TTC12: variants seen among roughly 807,000 people sequenced by gnomAD.
The protein encoded by TTC12 is tetratricopeptide repeat domain 12, also known as tetratricopeptide repeat protein 12.
Under a neutral mutation model 90.1 loss-of-function variants are expected in TTC12, and 70 were observed. The ratio of observed to expected loss-of-function variants is 0.78; its 90% confidence interval spans 0.64 to 0.95. The LOEUF is 0.95. Among genes scored for constraint, TTC12 ranks in the 40% least tolerant of loss-of-function variants. The probability of loss-of-function intolerance (pLI) is 0.00; values close to 1 mark genes in which losing one functional copy is unlikely to be tolerated. For missense variants in TTC12, 819 were observed against 846.1 expected, an observed-to-expected ratio of 0.97 and a Z score of 0.40; for synonymous variants, 296 against 311.5, an observed-to-expected ratio of 0.95 and a Z score of 0.53.
At chr11:113,317,250 T>C (rs1378929965) in intron 2 of TTC12, among the ~76,000 whole-genome samples, 1 of 152,176 alleles carries the variant, frequency 6.6e-6, no homozygotes, top group Non-Finnish European at 1.5e-5. Context: ...ACCTACTGTA[T>C]CCCACAAATA....
At chr11:113,326,553 A>G (rs1947708013) in intron 6 of TTC12, among the ~76,000 whole-genome samples, 1 of 152,138 alleles carries the variant, frequency 6.6e-6, no homozygotes, top group Admixed American at 6.5e-5. Flanking sequence ...ATGTTGAGGA[A>G]GAGGACTGGA....
At chr11:113,330,026 G>A (rs112804550) in intron 7 of TTC12, 47 bp downstream of exon 7, 1 of 1,469,808 alleles carries the variant, frequency 6.8e-7, no homozygotes, top group South Asian at 1.1e-5. Context: ...GGCTGAAGTA[G>A]ATAGAAGGCA....
Position 113,366,335 on chromosome 11 carries a change from C to T in TTC12, c.*35C>T. On this transcript the variant is annotated 3_prime_UTR_variant, in exon 22 of 22. Transcript: ENST00000529221. ...GGTTTGTGTGCATTTGGGGAACACA[C>T]AGATGCACACCGTGTGTTGTTCCTA... is the stretch of plus-strand genomic sequence containing the variant. 6.2e-7 allele frequency: 1 copy of T among 1,611,580 alleles called. No homozygotes were observed. Among genetic ancestry groups the T allele is most frequent in the Non-Finnish European group, 8.5e-7 (1 of 1,179,914 alleles).
intron 2 of TTC12, among the ~76,000 whole-genome samples, chr11:113,319,154 C>T (rs530062987): frequency 3.0e-4 from 46 of 152,288 alleles, no homozygotes; most frequent in African/African-American, 8.7e-4. Flanking sequence ...ATCCCTGATA[C>T]GCCATAATGT....
intron 5 of TTC12, 132 bp from the exon 6 acceptor site, chr11:113,325,392 C>T (rs750975420): frequency 2.7e-5 from 28 of 1,022,408 alleles, no homozygotes; most frequent in Admixed American, 5.4e-5. Flanking sequence ...CAGAAAAAAA[C>T]AAGTGTCAAG....
At chr11:113,370,213 T>C (rs1591239038), downstream of TTC12, among the ~76,000 whole-genome samples, 1 of 152,262 alleles carries the variant, frequency 6.6e-6, no homozygotes, top group East Asian at 1.9e-4. Flanking sequence ...TCTAAAATCC[T>C]CTTTGCAAAC....
intron 21 of TTC12, among the ~76,000 whole-genome samples, chr11:113,371,894 A>G (rs909523543): frequency 7.9e-5 from 12 of 152,156 alleles, no homozygotes; most frequent in Non-Finnish European, 1.3e-4. Flanking sequence ...GATTTCTATA[A>G]AGCTCTCATC....
intron 13 of TTC12, among the ~76,000 whole-genome samples, chr11:113,346,122 T>C (rs891660332): frequency 6.6e-6 from 1 of 152,172 alleles, no homozygotes; most frequent in African/African-American, 2.4e-5. Context: ...CCCACAATGT[T>C]TATCCTCAGA....
intron 7 of TTC12, among the ~76,000 whole-genome samples, chr11:113,332,215 G>T (rs145109487): frequency 6.6e-6 from 1 of 152,328 alleles, no homozygotes; most frequent in African/African-American, 2.4e-5. Context: ...TCCTCTGAAG[G>T]CAGGATTCCT....
downstream of TTC12, among the ~76,000 whole-genome samples, chr11:113,366,872 G>A (rs1194547327): frequency 6.6e-6 from 1 of 152,162 alleles, no homozygotes; most frequent in Non-Finnish European, 1.5e-5. Context: ...AATCATTCTG[G>A]GAATCATTCC....
chr11:113,366,965 A>G (rs1950239318), downstream of TTC12, among the ~76,000 whole-genome samples: 1 of 152,206 alleles, frequency 6.6e-6, no homozygotes, highest in Non-Finnish European at 1.5e-5. Flanking sequence ...GTTCTCTGCT[A>G]AAGGTGCCAA....
chr11:113,363,016 T>G (rs1950018971), intron 19 of TTC12, among the ~76,000 whole-genome samples: 1 of 152,192 alleles, frequency 6.6e-6, no homozygotes, highest in South Asian at 2.1e-4. Context: ...TGGATTCACC[T>G]GCAAGGGCGA....
At chr11:113,355,829 A>G (rs1949603750) in intron 16 of TTC12, among the ~76,000 whole-genome samples, 1 of 152,066 alleles carries the variant, frequency 6.6e-6, no homozygotes, top group African/African-American at 2.4e-5. Flanking sequence ...GATTTCAGTT[A>G]TTTTGCATTT....
downstream of TTC12, chr11:113,368,451 C>T (rs772300272): frequency 7.6e-5 from 118 of 1,550,450 alleles, no homozygotes; most frequent in Admixed American, 5.9e-5. Flanking sequence ...CTTGGAGACA[C>T]GGCTTGTTCC....
downstream of TTC12, among the ~76,000 whole-genome samples, chr11:113,370,535 T>A (rs761388118): frequency 7.9e-5 from 12 of 152,234 alleles, no homozygotes; most frequent in Non-Finnish European, 1.6e-4. Flanking sequence ...AGACTCCTAA[T>A]TTGATCTCAA....
chr11:113,333,652 A>T (rs1271553107), intron 7 of TTC12, among the ~76,000 whole-genome samples: 1 of 152,162 alleles, frequency 6.6e-6, no homozygotes, highest in Non-Finnish European at 1.5e-5. Flanking sequence ...AGCTTCTGTG[A>T]GATCATCCAT....
At chr11:113,328,281 T>C (rs769640450) in intron 6 of TTC12, among the ~76,000 whole-genome samples, 2 of 152,212 alleles carry the variant, frequency 1.3e-5, no homozygotes, top group Non-Finnish European at 2.9e-5. Flanking sequence ...GATAAGACTT[T>C]ATTGACCACT....
chr11:113,323,422 A>G lies in TTC12; in HGVS notation c.193A>G (p.Met65Val), dbSNP rs782589594. ...DECRTTLNKTMISPPQTAMKS... is the reference protein window; with the variant it reads ...DECRTTLNKTVISPPQTAMKS... Reference sequence around the variant, plus strand: ...ATGCAGGACCACCTTGAACAAGACTATGATCAGTCCTCCACAAACTGCTAT... The same window carrying G: ...ATGCAGGACCACCTTGAACAAGACTGTGATCAGTCCTCCACAAACTGCTAT... The change falls in exon 3 of 22, where the codon ATG becomes GTG. Residue 65 changes from methionine to valine, a missense_variant. Physicochemically the swap from Met to Val is conservative, Grantham distance 21. Transcript: ENST00000529221. 2.5e-6 allele frequency: 4 copies of G among 1,608,274 alleles called. No homozygotes were observed. Among genetic ancestry groups the G allele is most frequent in the African/African-American group, 1.3e-5 (1 of 74,696 alleles).
intron 8 of TTC12, 61 bp downstream of exon 8, chr11:113,335,098 C>A: frequency 1.6e-6 from 2 of 1,224,372 alleles, no homozygotes; most frequent in Admixed American, 1.7e-5. Context: ...CCCAGTTGTG[C>A]TAGAGGAGAA....
Sources: gnomAD v4.1 joint callset for allele counts (sites outside exome capture counted in the v4.1 genomes callset) on GRCh38, gnomAD v4.1.1 for gene constraint, MANE v1.5 for transcripts, NCBI Gene and HGNC (gene_info 2026-07-23, HGNC 2026-07-21) for gene names.